Variants in EXOC4 observed in about 807,000 individuals in gnomAD.
The protein encoded by EXOC4 is exocyst complex component 4.
In EXOC4, 71 loss-of-function variants were observed where a neutral mutation model predicts 107.2. That is an observed-to-expected ratio of 0.66 (90% CI 0.55 to 0.81). The LOEUF is 0.81. Among genes scored for constraint, EXOC4 ranks in the 30% least tolerant of loss-of-function variants. The probability of loss-of-function intolerance (pLI) is 0.00; values close to 1 mark genes in which losing one functional copy is unlikely to be tolerated. For missense variants in EXOC4, 1,108 were observed against 1,189.6 expected (o/e 0.93, Z 1.01); for synonymous variants, 456 against 441.2 (o/e 1.03, Z -0.42).
At chr7:133,349,274 T>A (rs572365139) in intron 5 of EXOC4, among the ~76,000 whole-genome samples, 1 of 152,248 alleles carries the variant, frequency 6.6e-6, no homozygotes, top group South Asian at 2.1e-4. Context: ...CTTTTCATTC[T>A]TGTAAAACTG....
At chr7:133,442,108 G>A (rs1355209400) in intron 7 of EXOC4, among the ~76,000 whole-genome samples, 3 of 152,094 alleles carry the variant, frequency 2.0e-5, no homozygotes, top group Non-Finnish European at 2.9e-5. Context: ...TTTTTGGTTA[G>A]CTTATTTTTT....
chr7:134,018,127 G>A (rs552596816), intron 17 of EXOC4, among the ~76,000 whole-genome samples: 5 of 152,142 alleles, frequency 3.3e-5, no homozygotes, highest in Non-Finnish European at 5.9e-5. Context: ...ACCCAGGGAG[G>A]CTATTTTTCT....
chr7:133,676,963 G>GTA (rs1794076064), intron 10 of EXOC4, among the ~76,000 whole-genome samples: 7 of 148,842 alleles, frequency 4.7e-5, no homozygotes, highest in African/African-American at 1.5e-4. Flanking sequence ...GTGTATGTGT[G>GTA]TGTGTGTGTG....
chr7:133,876,456 T>TA (rs1369026834), intron 11 of EXOC4, among the ~76,000 whole-genome samples: 2 of 152,184 alleles, frequency 1.3e-5, no homozygotes, highest in Non-Finnish European at 2.9e-5. Context: ...AAGGAACTCT[T>TA]ATGTTTCTTA....
At chr7:133,454,963 G>T (rs6943006) in intron 7 of EXOC4, among the ~76,000 whole-genome samples, 10,711 of 152,086 alleles carry the variant, frequency 0.07, 1,267 homozygotes, top group African/African-American at 0.24. Flanking sequence ...GCCATGTATC[G>T]TGGTCACAGC....
At chr7:133,487,551 A>T (rs1554461599) in intron 9 of EXOC4, among the ~76,000 whole-genome samples, 1 of 152,172 alleles carries the variant, frequency 6.6e-6, no homozygotes, top group Non-Finnish European at 1.5e-5. Flanking sequence ...TCTACTAAAA[A>T]TACAAAAATC....
chr7:133,717,935 G>A (rs980497259), intron 10 of EXOC4, among the ~76,000 whole-genome samples: 1 of 152,158 alleles, frequency 6.6e-6, no homozygotes, highest in Non-Finnish European at 1.5e-5. Flanking sequence ...TTAATAAGGA[G>A]AATCAGGGAC....
intron 7 of EXOC4, among the ~76,000 whole-genome samples, chr7:133,379,684 T>C (rs1488048699): frequency 6.6e-6 from 1 of 152,096 alleles, no homozygotes; most frequent in African/African-American, 2.4e-5. Flanking sequence ...CTTTTACTTA[T>C]GTTCTGAACT....
At chr7:133,326,393 A>T (rs1795241555) in intron 5 of EXOC4, among the ~76,000 whole-genome samples, 1 of 151,950 alleles carries the variant, frequency 6.6e-6, no homozygotes, top group Admixed American at 6.6e-5. Flanking sequence ...TTTGGTGTGG[A>T]TGTCCTTTCT....
chr7:133,837,613 T>A (rs1797943862), intron 11 of EXOC4, among the ~76,000 whole-genome samples: 1 of 152,124 alleles, frequency 6.6e-6, no homozygotes, highest in Non-Finnish European at 1.5e-5. Flanking sequence ...AATCTCTGAG[T>A]AACTGAAAGT....
chr7:133,455,454 C>T (rs1227540204), intron 7 of EXOC4, among the ~76,000 whole-genome samples: 3 of 152,120 alleles, frequency 2.0e-5, no homozygotes, highest in Non-Finnish European at 4.4e-5. Context: ...CAAATTTTAT[C>T]TGACAAAGTT....
chr7:133,581,353 A>G (rs945059882), intron 9 of EXOC4, among the ~76,000 whole-genome samples: 1 of 152,176 alleles, frequency 6.6e-6, no homozygotes, highest in East Asian at 1.9e-4. Context: ...AGATAGGTAA[A>G]TTGCTTGCCA....
At chr7:133,968,430 A>G (rs1801121552) in intron 14 of EXOC4, among the ~76,000 whole-genome samples, 1 of 152,158 alleles carries the variant, frequency 6.6e-6, no homozygotes. Context: ...GTTTCTTCAT[A>G]GTGTCAATGG....
chr7:133,465,700 C>A (rs959824450), intron 7 of EXOC4, among the ~76,000 whole-genome samples: 25 of 151,964 alleles, frequency 1.6e-4, no homozygotes, highest in Admixed American at 1.5e-3. Flanking sequence ...ATCCTCTGAC[C>A]GCAACAGAAT....
At chr7:133,775,634 G>T (rs1204401563) in intron 10 of EXOC4, among the ~76,000 whole-genome samples, 4 of 152,124 alleles carry the variant, frequency 2.6e-5, no homozygotes, top group African/African-American at 9.7e-5. Flanking sequence ...TAAGTACAGA[G>T]GGAGAACTGT....
chr7:133,681,800 C>G (rs1190954335), intron 10 of EXOC4, among the ~76,000 whole-genome samples: 5 of 151,750 alleles, frequency 3.3e-5, no homozygotes, highest in Non-Finnish European at 7.4e-5. Context: ...AAGGAAGTGC[C>G]TCCTTCATCG....
At chr7:134,046,548 A>AT (rs1475692434) in intron 17 of EXOC4, among the ~76,000 whole-genome samples, 1 of 149,378 alleles carries the variant, frequency 6.7e-6, no homozygotes, top group African/African-American at 2.5e-5. Flanking sequence ...TCCTAATTTT[A>AT]TTTGATTTTT....
the EXOC4 span, among the ~76,000 whole-genome samples, chr7:134,092,719 G>A: frequency 8.9e-4 from 135 of 151,894 alleles, 1 homozygote; most frequent in African/African-American, 3.0e-3. Flanking sequence ...AGTTATATAC[G>A]TTGAAACCAC....
At chr7:133,601,912 T>A (rs1427280640) in intron 9 of EXOC4, 1 of 152,276 alleles carries the variant, frequency 6.6e-6, no homozygotes, top group Non-Finnish European at 1.5e-5. Flanking sequence ...CTATCCCAAA[T>A]TTCTGTTTTG....
Sources: gnomAD v4.1 joint callset for allele counts (sites outside exome capture counted in the v4.1 genomes callset) on GRCh38, gnomAD v4.1.1 for gene constraint, MANE v1.5 for transcripts, NCBI Gene and HGNC (gene_info 2026-07-23, HGNC 2026-07-21) for gene names.